The following GLDC variants were observed in gnomAD, a reference collection of about 807,000 sequenced individuals.
GLDC encodes the protein glycine decarboxylase.
A neutral mutation model predicts 121.3 loss-of-function variants in GLDC; 104 were observed. That is an observed-to-expected ratio of 0.86 (90% CI 0.73 to 1.01). The LOEUF (loss-of-function observed/expected upper bound fraction) is 1.01, where lower values mean the gene tolerates loss of function less well. GLDC is among the 50% of genes least tolerant of loss of function. The pLI is 0.00. For missense variants in GLDC, 1,429 were observed against 1,306.6 expected (o/e 1.09, Z -1.44); for synonymous variants, 546 against 480.6 (o/e 1.14, Z -1.78).
chr9:6,558,735 GAAT>G, intron 16 of GLDC, 51 bp from the exon 17 acceptor site: 1 of 1,603,138 alleles, frequency 6.2e-7, no homozygotes, highest in Non-Finnish European at 8.5e-7. Context: ...ATCAGACTAT[GAAT>G]AATGACAGAA....
intron 15 of GLDC, among the ~76,000 whole-genome samples, chr9:6,576,694 T>C (rs1231200794): frequency 2.0e-5 from 3 of 152,190 alleles, no homozygotes; most frequent in Admixed American, 6.6e-5. Context: ...CTCAAACTCC[T>C]GATCTCAGGT....
At chr9:6,618,873 G>C (rs1190908574) in intron 3 of GLDC, among the ~76,000 whole-genome samples, 1 of 152,060 alleles carries the variant, frequency 6.6e-6, no homozygotes, top group African/African-American at 2.4e-5. Context: ...GCTGGGCGCG[G>C]TGGCTCACGC....
intron 22 of GLDC, among the ~76,000 whole-genome samples, chr9:6,539,793 G>T (rs909922074): frequency 1.3e-5 from 2 of 152,074 alleles, no homozygotes; most frequent in Non-Finnish European, 1.5e-5. Flanking sequence ...CAACTCAAAG[G>T]GGTTTTAATT....
intron 15 of GLDC, among the ~76,000 whole-genome samples, chr9:6,579,998 G>T (rs1818143922): frequency 6.6e-6 from 1 of 152,196 alleles, no homozygotes; most frequent in South Asian, 2.1e-4. Flanking sequence ...AGCATCACTG[G>T]GAGAATCTCC....
intron 2 of GLDC, among the ~76,000 whole-genome samples, chr9:6,621,388 C>A (rs992031347): frequency 1.3e-5 from 2 of 152,146 alleles, no homozygotes; most frequent in Non-Finnish European, 2.9e-5. Flanking sequence ...GCCTAGGGTA[C>A]TGAGGATTGA....
intron 21 of GLDC, among the ~76,000 whole-genome samples, chr9:6,543,836 A>G (rs1037200272): frequency 4.6e-5 from 7 of 151,544 alleles, no homozygotes; most frequent in Admixed American, 1.3e-4. Context: ...TTTCTGCTGG[A>G]CCTAACAGTG....
chr9:6,597,467 A>T (rs529885920), intron 8 of GLDC, among the ~76,000 whole-genome samples: 9 of 152,336 alleles, frequency 5.9e-5, no homozygotes, highest in African/African-American at 2.2e-4. Flanking sequence ...GCAGTGGCTC[A>T]CACCAGTGAT....
chr9:6,549,225 T>C (rs1252175762), intron 21 of GLDC, among the ~76,000 whole-genome samples: 1 of 152,210 alleles, frequency 6.6e-6, no homozygotes, highest in Non-Finnish European at 1.5e-5. Context: ...TTATTATGCG[T>C]CATCACGTGC....
chr9:6,551,390 A>G (rs1817511272), intron 20 of GLDC, among the ~76,000 whole-genome samples: 2 of 152,162 alleles, frequency 1.3e-5, no homozygotes, highest in African/African-American at 4.8e-5. Context: ...AAACTGCTCA[A>G]TCTTGTCCTG....
intron 4 of GLDC, 61 bp downstream of exon 4, chr9:6,610,131 A>G (rs1198746232): frequency 3.1e-6 from 4 of 1,310,084 alleles, no homozygotes; most frequent in African/African-American, 2.9e-5. Flanking sequence ...CTATAGAAAG[A>G]AAACAAGGCC....
At chr9:6,594,708 C>T (rs796993733) in intron 9 of GLDC, among the ~76,000 whole-genome samples, 1 of 150,394 alleles carries the variant, frequency 6.6e-6, no homozygotes, top group Admixed American at 6.7e-5. Flanking sequence ...AGGAAGCAAG[C>T]AAGCAAGCAA....
intron 2 of GLDC, among the ~76,000 whole-genome samples, chr9:6,625,002 A>G (rs923628032): frequency 1.3e-5 from 2 of 148,564 alleles, no homozygotes; most frequent in Non-Finnish European, 1.5e-5. Context: ...AAAAAAAAAA[A>G]GGCTCAGGTG....
chr9:6,581,797 T>G (rs937583414), intron 15 of GLDC, among the ~76,000 whole-genome samples: 2 of 152,174 alleles, frequency 1.3e-5, no homozygotes, highest in African/African-American at 4.8e-5. Flanking sequence ...CTAGATAAGG[T>G]GCAAATCCTT....
intron 16 of GLDC, among the ~76,000 whole-genome samples, chr9:6,563,327 G>C (rs1817793996): frequency 6.6e-6 from 1 of 152,226 alleles, no homozygotes; most frequent in African/African-American, 2.4e-5. Flanking sequence ...CTGGATTTTA[G>C]CTGGCCCTTT....
At chr9:6,583,879 C>T (rs7036653) in intron 15 of GLDC, among the ~76,000 whole-genome samples, 1 of 151,880 alleles carries the variant, frequency 6.6e-6, no homozygotes, top group Non-Finnish European at 1.5e-5. Context: ...GAAAGAGGAA[C>T]CGAAGAGTTA....
intron 8 of GLDC, among the ~76,000 whole-genome samples, chr9:6,598,457 A>C (rs560312401): frequency 6.6e-6 from 1 of 152,338 alleles, no homozygotes; most frequent in Admixed American, 6.5e-5. Context: ...GTCATGCCCC[A>C]TCCACGATGC....
At chr9:6,584,636 T>G (rs1818232487) in intron 15 of GLDC, among the ~76,000 whole-genome samples, 1 of 152,234 alleles carries the variant, frequency 6.6e-6, no homozygotes, top group Non-Finnish European at 1.5e-5. Context: ...ACCAGAAGCA[T>G]GGCCCTTGTA....
At chr9:6,551,799 TG>T (rs1442332942) in intron 20 of GLDC, among the ~76,000 whole-genome samples, 1 of 152,180 alleles carries the variant, frequency 6.6e-6, no homozygotes, top group African/African-American at 2.4e-5. Flanking sequence ...GACTGTCATC[TG>T]GGAGTGGATG....
In GLDC at chr9:6,606,456, C is replaced by T. The variant is rs1818735410; in HGVS notation, c.713+136G>A. 5.6e-6 allele frequency: 4 copies of T among 717,808 alleles called. No homozygotes were observed. The South Asian group carries it at 6.0e-5, about 11-fold the overall frequency. 44.5% of individuals were successfully genotyped at this position (717,808 alleles called of 1,614,324 possible). On this transcript the variant is annotated intron_variant, in intron 5 of 24. Coordinates refer to ENST00000321612, the MANE Select transcript of GLDC (RefSeq NM_000170.3). ...AGAAAGTGAGAGGTAAGGCAAAACTCAGCAACCCCAATTTAAACAGCAAAA... is the reference window on the plus strand; with the variant it reads ...AGAAAGTGAGAGGTAAGGCAAAACTTAGCAACCCCAATTTAAACAGCAAAA...
Sources: gnomAD v4.1 joint callset for allele counts (sites outside exome capture counted in the v4.1 genomes callset) on GRCh38, gnomAD v4.1.1 for gene constraint, MANE v1.5 for transcripts, NCBI Gene and HGNC (gene_info 2026-07-23, HGNC 2026-07-21) for gene names.